Variants in SMPX observed in about 807,000 individuals in gnomAD.
SMPX encodes the protein small muscular protein.
In SMPX, 2 loss-of-function variants were observed where a neutral mutation model predicts 6.3. That is an observed-to-expected ratio of 0.32 (90% confidence interval 0.13 to 0.99). The LOEUF is 0.99. SMPX is among the 50% of genes least tolerant of loss of function. SMPX has a pLI of 0.49. For synonymous variants in SMPX, 32 were observed against 24.7 expected (o/e 1.30, Z -0.88); for missense variants, 60 against 66.8 (o/e 0.90, Z 0.36).
chrX:21,742,254 G>A (rs774296499), intron 3 of SMPX, among the ~76,000 whole-genome samples: 37 of 111,968 alleles, frequency 3.3e-4, no homozygotes, highest in Non-Finnish European at 4.1e-4. Flanking sequence ...TTCCACCGCC[G>A]TCCCTTTTAC....
chrX:21,710,075 G>T (rs1238638936), intron 4 of SMPX, among the ~76,000 whole-genome samples: 1 of 111,880 alleles, frequency 8.9e-6, no homozygotes, highest in East Asian at 2.8e-4. Context: ...CATAGGATGA[G>T]CCATTTGCAT....
chrX:21,754,235 G>A lies in SMPX; in HGVS notation c.45+11C>T, dbSNP rs1158693408. 3.3e-6 allele frequency: 4 copies of A among 1,203,577 alleles called. No homozygotes were observed. In the Admixed American group the frequency reaches 8.7e-5, roughly 26 times the overall value. On this transcript the variant is annotated intron_variant, in intron 2 of 4. Coordinates refer to ENST00000379494, the MANE Select transcript of SMPX (RefSeq NM_014332.3). ...TTAAGCAACCAGGCAAGAAGTTGCAGGGCTACTTACCTGGATGGCTCTAAC... is the reference window on the plus strand; with the variant it reads ...TTAAGCAACCAGGCAAGAAGTTGCAAGGCTACTTACCTGGATGGCTCTAAC...
intron 4 of SMPX, among the ~76,000 whole-genome samples, chrX:21,736,835 C>T (rs914835572): frequency 4.5e-5 from 5 of 111,215 alleles, no homozygotes; most frequent in African/African-American, 1.6e-4. Flanking sequence ...AAGACTTGGG[C>T]CAATTCCACA....
intron 4 of SMPX, among the ~76,000 whole-genome samples, chrX:21,716,322 C>T (rs780536787): frequency 8.9e-5 from 10 of 112,254 alleles, no homozygotes; most frequent in African/African-American, 2.9e-4. Flanking sequence ...AGTCTCCAGG[C>T]TGGTTCCAAG....
intron 4 of SMPX, among the ~76,000 whole-genome samples, chrX:21,735,736 C>T (rs1476999286): frequency 1.8e-5 from 2 of 112,046 alleles, no homozygotes; most frequent in Admixed American, 9.5e-5. Flanking sequence ...ATTAAAAATT[C>T]GTGTGTCCAA....
intron 4 of SMPX, among the ~76,000 whole-genome samples, chrX:21,721,367 C>A: frequency 8.9e-6 from 1 of 112,159 alleles, no homozygotes; most frequent in East Asian, 2.8e-4. Context: ...GAAGCCATGG[C>A]TCACCACTGG....
chrX:21,725,942 G>A (rs1451552319), intron 4 of SMPX, among the ~76,000 whole-genome samples: 1 of 111,916 alleles, frequency 8.9e-6, no homozygotes, highest in East Asian at 2.8e-4. Flanking sequence ...TTGGAAGCAA[G>A]GGGCAGAGGG....
intron 4 of SMPX, among the ~76,000 whole-genome samples, chrX:21,728,390 A>G (rs1260523806): frequency 9.0e-6 from 1 of 111,300 alleles, no homozygotes; most frequent in Non-Finnish European, 1.9e-5. Context: ...ACCAGGGTAG[A>G]TGCTCTGGCA....
chrX:21,715,295 T>C (rs1245749139), intron 4 of SMPX, among the ~76,000 whole-genome samples: 1 of 100,029 alleles, frequency 1.0e-5, no homozygotes, highest in Non-Finnish European at 1.9e-5. Context: ...TGTGTGTGTG[T>C]GTGTGTGTGC....
intron 4 of SMPX, among the ~76,000 whole-genome samples, chrX:21,720,055 C>A: frequency 8.9e-6 from 1 of 112,000 alleles, no homozygotes; most frequent in Non-Finnish European, 1.9e-5. Context: ...TGGTAGGCAG[C>A]CTTCAAGATG....
At chrX:21,746,650 GTTT>G (rs11420880) in intron 2 of SMPX, among the ~76,000 whole-genome samples, 14 of 86,403 alleles carry the variant, frequency 1.6e-4, no homozygotes, top group East Asian at 7.7e-4. Context: ...ACTTAAATGG[GTTT>G]TTTTTTTTTT....
intron 1 of SMPX, among the ~76,000 whole-genome samples, chrX:21,757,006 G>A (rs2092833737): frequency 8.9e-6 from 1 of 111,868 alleles, no homozygotes; most frequent in Non-Finnish European, 1.9e-5. Flanking sequence ...ATCCCTGCTT[G>A]TCTTTGATTG....
Position 21,757,943 on chromosome X carries a change from T to C in SMPX, c.-14A>G. On this transcript the variant is annotated splice_region_variant and 5_prime_UTR_variant, in exon 1 of 5. Transcript: ENST00000379494. Reference sequence around the variant, plus strand: ...CCGGAGCTGCGTCCTTCTGCTTACCTGCTTTATGTATTTGTTTACTGCCTA... The same window carrying C: ...CCGGAGCTGCGTCCTTCTGCTTACCCGCTTTATGTATTTGTTTACTGCCTA... 3.0e-6 allele frequency: 1 copy of C among 328,763 alleles called. No individual in the cohort carries two copies. The highest frequency in any genetic ancestry group is 2.6e-5 in the South Asian group (1 of 38,427). 27.1% of individuals were successfully genotyped at this position (328,763 alleles called of 1,213,427 possible). A position where few individuals can be genotyped will look rare whatever the true frequency, so the allele number is the denominator to read the frequency against.
intron 3 of SMPX, among the ~76,000 whole-genome samples, chrX:21,739,677 CTG>C (rs890480208): frequency 3.6e-5 from 4 of 111,718 alleles, no homozygotes; most frequent in African/African-American, 1.3e-4. Flanking sequence ...CTATAAAGTG[CTG>C]TGTGTGTGTG....
intron 1 of SMPX, among the ~76,000 whole-genome samples, chrX:21,755,837 C>T (rs1209384944): frequency 8.9e-6 from 1 of 111,847 alleles, no homozygotes; most frequent in Non-Finnish European, 1.9e-5. Flanking sequence ...ATAGATTTAG[C>T]CTCCATGCAT....
intron 4 of SMPX, among the ~76,000 whole-genome samples, chrX:21,709,068 T>C (rs2092775857): frequency 8.9e-6 from 1 of 112,574 alleles, no homozygotes. Flanking sequence ...AATGGACGTT[T>C]AGGTTGTTTA....
chrX:21,720,218 C>A (rs2092790203), intron 4 of SMPX, among the ~76,000 whole-genome samples: 1 of 112,422 alleles, frequency 8.9e-6, no homozygotes, highest in Admixed American at 9.4e-5. Flanking sequence ...TGCTTCTGCC[C>A]TGTTTTTTCT....
chrX:21,752,974 C>T lies in SMPX; in HGVS notation c.45+1272G>A, dbSNP rs748882453. On this transcript the variant is annotated intron_variant, in intron 2 of 4. Transcript: ENST00000379494. Reference sequence around the variant, plus strand: ...CACCAGTACAGGATGGATTAAGGACCCTAGTAATATAGTTTCAGAGCCCAT... The same window carrying T: ...CACCAGTACAGGATGGATTAAGGACTCTAGTAATATAGTTTCAGAGCCCAT... Among the ~76,000 whole-genome samples the T allele has an allele frequency of 1.8e-4, 20 of 111,387 alleles. No individual in the cohort carries two copies. The South Asian group carries it at 7.7e-3, about 43-fold the overall frequency.
chrX:21,715,696 C>T (rs917808993), intron 4 of SMPX, among the ~76,000 whole-genome samples: 3 of 110,858 alleles, frequency 2.7e-5, no homozygotes, highest in Non-Finnish European at 5.7e-5. Flanking sequence ...AGTTTCTAAA[C>T]TAGTAGTTTT....
Sources: gnomAD v4.1 joint callset for allele counts (sites outside exome capture counted in the v4.1 genomes callset) on GRCh38, gnomAD v4.1.1 for gene constraint, MANE v1.5 for transcripts, NCBI Gene and HGNC (gene_info 2026-07-23, HGNC 2026-07-21) for gene names.